Variants in SGMS2 observed in about 807,000 individuals in gnomAD.
The protein encoded by SGMS2 is phosphatidylcholine:ceramide cholinephosphotransferase 2.
A neutral mutation model predicts 43.8 loss-of-function variants in SGMS2; 21 were observed. The observed-to-expected ratio is 0.48, with a 90% CI of 0.34 to 0.69. The LOEUF is 0.69. Among genes scored for constraint, SGMS2 ranks in the 30% least tolerant of loss-of-function variants. The pLI, the probability that SGMS2 is intolerant of heterozygous loss-of-function variation, is 0.01. For missense variants in SGMS2, 384 were observed against 443.2 expected, an observed-to-expected ratio of 0.87 and a Z score of 1.20; for synonymous variants, 167 against 160.6, an observed-to-expected ratio of 1.04 and a Z score of -0.30.
intron 3 of SGMS2, among the ~76,000 whole-genome samples, chr4:107,896,216 G>A (rs1235120075): frequency 1.3e-5 from 2 of 152,194 alleles, no homozygotes; most frequent in African/African-American, 4.8e-5. Context: ...GTATGAAAGT[G>A]GCAGTGTACA....
intron 1 of SGMS2, among the ~76,000 whole-genome samples, chr4:107,852,391 T>A (rs1727201867): frequency 6.6e-6 from 1 of 152,198 alleles, no homozygotes; most frequent in Non-Finnish European, 1.5e-5. Flanking sequence ...TTTGGAAATG[T>A]GTTTTGGGAG....
intron 1 of SGMS2, among the ~76,000 whole-genome samples, chr4:107,850,415 T>C (rs146561333): frequency 1.3e-5 from 2 of 152,362 alleles, no homozygotes; most frequent in East Asian, 3.9e-4. Flanking sequence ...TTACTATCTC[T>C]AAGCCTTTTT....
chr4:107,838,867 A>G (rs572116269), intron 1 of SGMS2, among the ~76,000 whole-genome samples: 11 of 152,010 alleles, frequency 7.2e-5, no homozygotes, highest in Admixed American at 1.3e-4. Flanking sequence ...CTGTTTTCCA[A>G]TCAATCTGCT....
chr4:107,892,351 C>G (rs1455909801), intron 2 of SGMS2, among the ~76,000 whole-genome samples: 1 of 151,678 alleles, frequency 6.6e-6, no homozygotes, highest in Non-Finnish European at 1.5e-5. Context: ...GCAAATTGTC[C>G]TATTGGTTTA....
chr4:107,910,357 A>C lies in SGMS2; in HGVS notation c.902A>C (p.Lys301Thr). ...TTTTTCTACCATTTACAGAACTTGA[A>C]GGTCTCTTCACAGACTAATTTCTTA... ...YHSMANEKNLKVSSQTNFLSR... is the reference protein window; with the variant it reads ...YHSMANEKNLTVSSQTNFLSR... The change falls in exon 7 of 7, where the codon AAG (lysine) becomes ACG (threonine). Residue 301 changes from lysine to threonine, a missense_variant. Lys to Thr is a moderately conservative substitution (Grantham distance 78). Transcript: ENST00000690982. The C allele has an allele frequency of 6.2e-7, 1 of 1,613,460 alleles. No individual in the cohort carries two copies. Among genetic ancestry groups the C allele is most frequent in the Non-Finnish European group, 8.5e-7 (1 of 1,179,702 alleles).
At chr4:107,841,465 C>A (rs903328943) in intron 1 of SGMS2, among the ~76,000 whole-genome samples, 5 of 151,796 alleles carry the variant, frequency 3.3e-5, no homozygotes, top group African/African-American at 7.3e-5. Flanking sequence ...CAATCTTTGC[C>A]CTTGTTGAGA....
At position 107,910,502 on chromosome 4, in the gene SGMS2, A is replaced by G. The variant is rs1243492249; in HGVS notation, c.1047A>G (p.Lys349=). 1.2e-6 allele frequency: 2 copies of G among 1,614,044 alleles called. No homozygotes were observed. Among genetic ancestry groups the G allele is most frequent in the Non-Finnish European group, 1.7e-6 (2 of 1,179,986 alleles). ...CTGGCTGCTTCAAATCATCATGCAAAAAGTATTCACGGGTTCAGAAGATTG... is the reference window on the plus strand; with the variant it reads ...CTGGCTGCTTCAAATCATCATGCAAGAAGTATTCACGGGTTCAGAAGATTG... ...WPPGCFKSSC[K]KYSRVQKIGE... is the part of the protein sequence containing the mutation. Residue 349 remains lysine (K), a synonymous_variant, in exon 7 of 7, where the codon AAA becomes AAG. Transcript: ENST00000690982.
intron 1 of SGMS2, among the ~76,000 whole-genome samples, chr4:107,853,714 G>T (rs1018301547): frequency 6.6e-6 from 1 of 152,182 alleles, no homozygotes; most frequent in Non-Finnish European, 1.5e-5. Flanking sequence ...AGACAGCAGA[G>T]AATCTGACAC....
chr4:107,828,895 G>A (rs1725740250), intron 1 of SGMS2, among the ~76,000 whole-genome samples: 1 of 152,220 alleles, frequency 6.6e-6, no homozygotes, highest in African/African-American at 2.4e-5. Flanking sequence ...TTTATCTGTT[G>A]AAACGGGAAC....
At chr4:107,852,544 C>T (rs115751732) in intron 1 of SGMS2, among the ~76,000 whole-genome samples, 2,387 of 152,234 alleles carry the variant, frequency 0.016, 64 homozygotes, top group African/African-American at 0.055. Context: ...CATTATCTTT[C>T]TAGTCACATT....
intron 5 of SGMS2, among the ~76,000 whole-genome samples, chr4:107,904,451 A>G (rs1025432880): frequency 3.9e-5 from 6 of 152,132 alleles, no homozygotes; most frequent in Admixed American, 2.6e-4. Flanking sequence ...GCAGAAGTGA[A>G]TTATTGCCCC....
Position 107,914,445 on chromosome 4 carries a change from C to CA in SGMS2, c.*3896dup, listed in dbSNP as rs1446882296. 6.6e-6 allele frequency: 1 copy of CA among 151,988 alleles called. No individual in the cohort carries two copies. The highest frequency in any genetic ancestry group is 2.1e-4 in the South Asian group (1 of 4,818). 9.4% of individuals were successfully genotyped at this position (151,988 alleles called of 1,614,324 possible). On this transcript the variant is annotated 3_prime_UTR_variant, in exon 7 of 7. Coordinates refer to ENST00000690982, the MANE Select transcript of SGMS2 (RefSeq NM_001375905.1). ...ACCTCCTATGCAATGATTAATGCTGCAAAATGTATGGTTATGTTACCGTAT... is the reference window on the plus strand; with the variant it reads ...ACCTCCTATGCAATGATTAATGCTGCAAAAATGTATGGTTATGTTACCGTAT...
intron 2 of SGMS2, among the ~76,000 whole-genome samples, chr4:107,871,924 C>T (rs1362985579): frequency 2.0e-5 from 3 of 151,960 alleles, no homozygotes; most frequent in African/African-American, 4.8e-5. Context: ...ACCTAATATG[C>T]GTTAAACACT....
rs1224266703 is a variant in SGMS2, at chr4:107,846,883, A to G, written c.-326-11589A>G. ...GGCCAGTGATGATGAGCATTTTTTC[A>G]TGTGTCTTTTGGCTGCATAAATGTC... is the stretch of plus-strand genomic sequence containing the variant. On this transcript the variant is annotated intron_variant, in intron 1 of 6. Transcript: ENST00000690982. Among the ~76,000 whole-genome samples the G allele has an allele frequency of 6.6e-5, 10 of 151,062 alleles. No homozygotes were observed. In the East Asian group the frequency reaches 1.6e-3, roughly 24 times the overall value.
intron 6 of SGMS2, among the ~76,000 whole-genome samples, chr4:107,909,912 T>G (rs1159265409): frequency 6.6e-6 from 1 of 152,222 alleles, no homozygotes; most frequent in African/African-American, 2.4e-5. Context: ...TAGTCTCCCA[T>G]TTCCATCTTC....
rs577252916 is a variant in SGMS2, at chr4:107,873,458, C to T, written c.-245+14905C>T. On this transcript the variant is annotated intron_variant, in intron 2 of 6. Coordinates refer to ENST00000690982, the MANE Select transcript of SGMS2 (RefSeq NM_001375905.1). Reference sequence around the variant, plus strand: ...GAAATCACTTGCCTTCATATACATACGAGGGATATGAAAAGAATGTGAAAA... The same window carrying T: ...GAAATCACTTGCCTTCATATACATATGAGGGATATGAAAAGAATGTGAAAA... 2.0e-4 allele frequency: 31 copies of T among 151,798 alleles called. 1 individual carries two copies. The highest frequency in any genetic ancestry group is 6.2e-4 in the South Asian group (3 of 4,804). 9.4% of individuals were successfully genotyped at this position (151,798 alleles called of 1,614,324 possible).
chr4:107,846,007 C>T (rs1726787661), intron 1 of SGMS2, among the ~76,000 whole-genome samples: 1 of 152,126 alleles, frequency 6.6e-6, no homozygotes, highest in Non-Finnish European at 1.5e-5. Context: ...TTTTAGAAGG[C>T]TTAAGTGCTT....
chr4:107,886,626 G>T (rs567534219), intron 2 of SGMS2: 2 of 152,146 alleles, frequency 1.3e-5, no homozygotes, highest in East Asian at 3.9e-4. Context: ...GATAAAGCTT[G>T]GAGCTCCTAG....
chr4:107,833,978 C>T (rs1040136070), intron 1 of SGMS2, among the ~76,000 whole-genome samples: 1 of 152,222 alleles, frequency 6.6e-6, no homozygotes, highest in Non-Finnish European at 1.5e-5. Flanking sequence ...AATGAGCTCT[C>T]CCGTGGAGCC....
Sources: allele counts gnomAD v4.1 joint callset (sites outside exome capture counted in the v4.1 genomes callset), GRCh38; gene constraint gnomAD v4.1.1; transcripts MANE v1.5; gene names NCBI Gene and HGNC (gene_info 2026-07-23, HGNC 2026-07-21).